The following GALNTL6 variants were observed in gnomAD, a reference collection of about 807,000 sequenced individuals.
GALNTL6 encodes polypeptide N-acetylgalactosaminyltransferase like 6, also known as polypeptide N-acetylgalactosaminyltransferase-like 6.
GALNTL6 carries 46 observed loss-of-function variants against 73.7 expected under a neutral mutation model. The observed-to-expected ratio is 0.62, with a 90% CI of 0.49 to 0.80. The LOEUF (loss-of-function observed/expected upper bound fraction) is 0.80. GALNTL6 is among the 30% of genes least tolerant of loss of function. GALNTL6 has a pLI of 0.00. For synonymous variants in GALNTL6, 259 were observed against 263.7 expected (o/e 0.98, Z 0.17); for missense variants, 604 against 755.0 (o/e 0.80, Z 2.34).
chr4:172,595,992 C>CATATATAAAAACATATAA (rs1324572387), intron 5 of GALNTL6, among the ~76,000 whole-genome samples: 2 of 152,006 alleles, frequency 1.3e-5, no homozygotes, highest in Non-Finnish European at 2.9e-5. Flanking sequence ...AAAACATATA[C>CATATATAAAAACATATAA]ATATATAAAA....
intron 5 of GALNTL6, among the ~76,000 whole-genome samples, chr4:172,669,393 G>A (rs934213168): frequency 6.6e-5 from 10 of 152,206 alleles, no homozygotes; most frequent in Admixed American, 2.0e-4. Context: ...CATATGCATC[G>A]TCTAAGTCAA....
intron 4 of GALNTL6, among the ~76,000 whole-genome samples, chr4:172,338,226 TC>T (rs1448143040): frequency 1.1e-4 from 17 of 152,184 alleles, no homozygotes; most frequent in African/African-American, 4.1e-4. Context: ...TCATTCATCT[TC>T]CTTGCAATCC....
In GALNTL6 at chr4:172,634,781, A is replaced by G. The variant is rs552659717; in HGVS notation, c.554-174580A>G. On this transcript the variant is annotated intron_variant, in intron 5 of 12. Coordinates refer to ENST00000506823, the MANE Select transcript of GALNTL6 (RefSeq NM_001034845.3). ...ATGAGGAAATGTGGACAAAGAGCAG[A>G]GTAAAGTATATTTCTGCCTTCCCAT... 2.0e-5 allele frequency among the ~76,000 whole-genome samples: 3 copies of G among 152,344 alleles called. No homozygotes were observed. In the East Asian group the frequency reaches 5.8e-4, roughly 29 times the overall value.
At chr4:172,915,705 T>C (rs1361751592) in intron 8 of GALNTL6, among the ~76,000 whole-genome samples, 3 of 152,116 alleles carry the variant, frequency 2.0e-5, no homozygotes, top group Non-Finnish European at 4.4e-5. Flanking sequence ...CAGGAAGAAG[T>C]CAAATCCCTG....
intron 5 of GALNTL6, among the ~76,000 whole-genome samples, chr4:172,698,370 T>C (rs1389603689): frequency 6.6e-6 from 1 of 152,124 alleles, no homozygotes; most frequent in Non-Finnish European, 1.5e-5. Context: ...CCAACTAGTT[T>C]TGGCTCCTCC....
At chr4:172,539,702 A>C (rs1352417177) in intron 5 of GALNTL6, among the ~76,000 whole-genome samples, 1 of 151,868 alleles carries the variant, frequency 6.6e-6, no homozygotes, top group African/African-American at 2.4e-5. Context: ...TCTAATTCTT[A>C]AATTTTATGA....
intron 2 of GALNTL6, among the ~76,000 whole-genome samples, chr4:171,998,731 C>T (rs144546063): frequency 6.6e-6 from 1 of 152,126 alleles, no homozygotes; most frequent in African/African-American, 2.4e-5. Flanking sequence ...CTTTTAACCA[C>T]AAGTTAGAAA....
At chr4:171,925,575 C>A (rs1388494545) in intron 2 of GALNTL6, among the ~76,000 whole-genome samples, 2 of 152,074 alleles carry the variant, frequency 1.3e-5, no homozygotes, top group Admixed American at 1.3e-4. Context: ...CTTACTTAGA[C>A]TTTGAATAAT....
intron 2 of GALNTL6, among the ~76,000 whole-genome samples, chr4:172,007,124 A>C (rs1740867413): frequency 6.6e-6 from 1 of 152,146 alleles, no homozygotes; most frequent in Admixed American, 6.5e-5. Flanking sequence ...ATACAGTCAC[A>C]TTTTGTGTCT....
At chr4:172,788,245 G>T (rs970621705) in intron 5 of GALNTL6, among the ~76,000 whole-genome samples, 10 of 152,154 alleles carry the variant, frequency 6.6e-5, no homozygotes, top group African/African-American at 2.4e-4. Flanking sequence ...CACACCTCTA[G>T]TCCTAGCTAC....
intron 5 of GALNTL6, among the ~76,000 whole-genome samples, chr4:172,428,522 C>G (rs894243422): frequency 2.0e-4 from 31 of 152,140 alleles, no homozygotes; most frequent in African/African-American, 7.5e-4. Context: ...CAGTCCACAG[C>G]TATGTCCCAC....
At chr4:172,420,720 CAT>C (rs1295490192) in intron 5 of GALNTL6, among the ~76,000 whole-genome samples, 1 of 151,922 alleles carries the variant, frequency 6.6e-6, no homozygotes, top group Non-Finnish European at 1.5e-5. Context: ...AATGTTGTAA[CAT>C]ATTGCAGCAC....
At chr4:172,571,192 A>G (rs1200368874) in intron 5 of GALNTL6, among the ~76,000 whole-genome samples, 1 of 152,226 alleles carries the variant, frequency 6.6e-6, no homozygotes, top group Non-Finnish European at 1.5e-5. Context: ...AACACAGATC[A>G]ATAATAGAAC....
rs142223849 is a variant in GALNTL6 at position 172,639,087 on chromosome 4, C to A, written c.554-170274C>A. 4.6e-5 allele frequency among the ~76,000 whole-genome samples: 7 copies of A among 152,230 alleles called. 1 individual carries two copies. In the East Asian group the frequency reaches 1.4e-3, roughly 29 times the overall value. On this transcript the variant is annotated intron_variant, in intron 5 of 12. Coordinates refer to ENST00000506823, the MANE Select transcript of GALNTL6 (RefSeq NM_001034845.3). Reference sequence around the variant, plus strand: ...GATCATTTGGTCAAGGTGTTACATGCAGATTTCTCCACTGCAAAGTTAGTT... The same window carrying A: ...GATCATTTGGTCAAGGTGTTACATGAAGATTTCTCCACTGCAAAGTTAGTT...
intron 2 of GALNTL6, among the ~76,000 whole-genome samples, chr4:172,124,528 T>C (rs1579161617): frequency 6.6e-6 from 1 of 152,186 alleles, no homozygotes; most frequent in Non-Finnish European, 1.5e-5. Flanking sequence ...ATAAAGTACA[T>C]GACTGTAAAA....
At chr4:171,978,559 AAGTTTCTTGAGC>A (rs1739789734) in intron 2 of GALNTL6, among the ~76,000 whole-genome samples, 1 of 152,174 alleles carries the variant, frequency 6.6e-6, no homozygotes, top group African/African-American at 2.4e-5. Context: ...AGAAAGAAAC[AAGTTTCTTGAGC>A]AGTGAGTTGG....
intron 9 of GALNTL6, among the ~76,000 whole-genome samples, chr4:172,934,806 C>G (rs1240603128): frequency 6.6e-6 from 1 of 152,232 alleles, no homozygotes; most frequent in Non-Finnish European, 1.5e-5. Flanking sequence ...CAAAGGTCCA[C>G]TGAGTGTCGC....
rs192461102 is a variant in GALNTL6 at position 172,687,607 on chromosome 4, G to A, written c.554-121754G>A. ...CGCGCCACTGCACTCCAGCCTGAGC[G>A]ACAAGGCAAGACTGTCTCAAAAAAA... On this transcript the variant is annotated intron_variant, in intron 5 of 12. Transcript: ENST00000506823. Among the ~76,000 whole-genome samples, 681 of 131,200 alleles carry A rather than the reference G, an allele frequency of 5.2e-3. 4 individuals carry two copies. The highest frequency in any genetic ancestry group is 0.018 in the African/African-American group (652 of 35,720). The allele number at this position is 131,200 out of a possible 152,430, so 86.1% of individuals were successfully genotyped here.
intron 2 of GALNTL6, among the ~76,000 whole-genome samples, chr4:171,988,934 G>A (rs534244671): frequency 2.3e-3 from 352 of 152,106 alleles, no homozygotes; most frequent in Middle Eastern, 3.4e-3. Flanking sequence ...GGGAAAAGGT[G>A]GCAATGAGGT....
Sources: gnomAD v4.1 joint callset for allele counts (sites outside exome capture counted in the v4.1 genomes callset) on GRCh38, gnomAD v4.1.1 for gene constraint, MANE v1.5 for transcripts, NCBI Gene and HGNC (gene_info 2026-07-23, HGNC 2026-07-21) for gene names.